The following MGAT4C variants were observed in gnomAD, a reference collection of about 807,000 sequenced individuals.
MGAT4C encodes the protein MGAT4 family member C, also known as alpha-1,3-mannosyl-glycoprotein 4-beta-N-acetylglucosaminyltransferase C.
In MGAT4C, 19 loss-of-function variants were observed where a neutral mutation model predicts 40.1. That is an observed-to-expected ratio of 0.47 (90% CI 0.33 to 0.70). The LOEUF is 0.70. Among genes scored for constraint, MGAT4C ranks in the 30% least tolerant of loss-of-function variants. MGAT4C has a pLI of 0.02. For synonymous variants in MGAT4C, 181 were observed against 187.1 expected (o/e 0.97, Z 0.27); for missense variants, 491 against 563.2 (o/e 0.87, Z 1.30).
chr12:86,307,897 G>A (rs1193021889), intron 4 of MGAT4C, among the ~76,000 whole-genome samples: 1 of 150,022 alleles, frequency 6.7e-6, no homozygotes, highest in African/African-American at 2.5e-5. Context: ...TAGAGACAGG[G>A]TTTCACCGTG....
intron 2 of MGAT4C, among the ~76,000 whole-genome samples, chr12:86,718,143 G>A (rs544269625): frequency 3.9e-5 from 6 of 152,212 alleles, no homozygotes; most frequent in South Asian, 2.1e-4. Context: ...CAAAATTGCC[G>A]GGCTTTAAAT....
rs539953908 is a variant in MGAT4C at position 86,488,725 on chromosome 12, A to G, written c.-228-53460T>C. Among the ~76,000 whole-genome samples the G allele has an allele frequency of 3.3e-3, 501 of 152,302 alleles. 2 individuals carry two copies. Among genetic ancestry groups the G allele is most frequent in the African/African-American group, 0.012 (484 of 41,566 alleles). Reference sequence around the variant, plus strand: ...ACAACATTGCACCCAAGAACTTTCAAGCATAACAGTCCTTCTTAACATTAA... The same window carrying G: ...ACAACATTGCACCCAAGAACTTTCAGGCATAACAGTCCTTCTTAACATTAA... On this transcript the variant is annotated intron_variant, in intron 2 of 7. Transcript: ENST00000548651.
At chr12:86,549,605 T>C (rs1249569023) in intron 2 of MGAT4C, among the ~76,000 whole-genome samples, 2 of 152,118 alleles carry the variant, frequency 1.3e-5, no homozygotes, top group Non-Finnish European at 2.9e-5. Context: ...CTACTTAGAG[T>C]GTTAAATGAG....
chr12:86,235,114 G>T lies in MGAT4C; in HGVS notation c.-57+21125C>A, dbSNP rs570912671. Among the ~76,000 whole-genome samples the T allele has an allele frequency of 2.6e-5, 4 of 151,880 alleles. No homozygotes were observed. In the South Asian group the frequency reaches 8.3e-4, roughly 32 times the overall value. Reference sequence around the variant, plus strand: ...TGGGTTAGTTCATACATCTTCATAGGTTTATTTATATTTGTATGGCTCCCA... The same window carrying T: ...TGGGTTAGTTCATACATCTTCATAGTTTTATTTATATTTGTATGGCTCCCA... On this transcript the variant is annotated intron_variant, in intron 1 of 4. Transcript: ENST00000611864.
intron 2 of MGAT4C, among the ~76,000 whole-genome samples, chr12:86,686,211 A>G (rs1199402015): frequency 6.6e-6 from 1 of 152,010 alleles, no homozygotes; most frequent in Non-Finnish European, 1.5e-5. Flanking sequence ...TTGATTTTGT[A>G]TTCTGAGACT....
chr12:86,121,239 G>T (rs1346119904), intron 1 of MGAT4C, among the ~76,000 whole-genome samples: 1 of 152,162 alleles, frequency 6.6e-6, no homozygotes, highest in Non-Finnish European at 1.5e-5. Context: ...AGAAATATGG[G>T]ACTATGTGAA....
chr12:85,983,772 A>AACCCTGCATACTATATATT, intron 3 of MGAT4C, 102 bp from the exon 4 acceptor site: 1 of 944,966 alleles, frequency 1.1e-6, no homozygotes, highest in Non-Finnish European at 1.5e-6. Flanking sequence ...TACAATATAT[A>AACCCTGCATACTATATATT]GTATGCAGGG....
At chr12:86,403,715 C>T (rs958153419) in intron 3 of MGAT4C, among the ~76,000 whole-genome samples, 2 of 152,108 alleles carry the variant, frequency 1.3e-5, no homozygotes, top group Non-Finnish European at 2.9e-5. Flanking sequence ...CAGAGGAAGA[C>T]TAAAATCTCT....
At chr12:86,540,098 T>G (rs193140894) in intron 2 of MGAT4C, among the ~76,000 whole-genome samples, 1 of 152,342 alleles carries the variant, frequency 6.6e-6, no homozygotes, top group East Asian at 1.9e-4. Context: ...TCCTTGCCCA[T>G]GCCTATGTCC....
At chr12:86,785,187 C>G (rs1408033480) in intron 1 of MGAT4C, among the ~76,000 whole-genome samples, 1 of 152,012 alleles carries the variant, frequency 6.6e-6, no homozygotes, top group East Asian at 1.9e-4. Context: ...GAAAACTAAG[C>G]TATCACAAAT....
In MGAT4C at chr12:86,423,765, G is replaced by T. The variant is rs556513758; in HGVS notation, c.-120+11392C>A. Among the ~76,000 whole-genome samples the T allele has an allele frequency of 7.5e-4, 114 of 152,224 alleles. 2 individuals carry two copies. The South Asian group carries it at 0.023, about 31-fold the overall frequency. The stretch of plus-strand genomic sequence containing the variant: ...CATTATTATCCATTCATAATGTCTT[G>T]CCTGTAATGAACTATTAGCGTGATT... On this transcript the variant is annotated intron_variant, in intron 3 of 7. Transcript: ENST00000548651.
At chr12:86,166,796 C>T (rs568594170) in intron 1 of MGAT4C, among the ~76,000 whole-genome samples, 40 of 152,024 alleles carry the variant, frequency 2.6e-4, no homozygotes, top group Non-Finnish European at 3.5e-4. Context: ...CATTATATAA[C>T]GTACATAAAA....
At chr12:86,103,322 G>T (rs1875472008) in intron 1 of MGAT4C, among the ~76,000 whole-genome samples, 1 of 152,122 alleles carries the variant, frequency 6.6e-6, no homozygotes, top group South Asian at 2.1e-4. Flanking sequence ...GAATTATCCA[G>T]TGGCCCCAAG....
chr12:86,367,065 T>C (rs1022041676), intron 3 of MGAT4C, among the ~76,000 whole-genome samples: 1 of 152,074 alleles, frequency 6.6e-6, no homozygotes, highest in African/African-American at 2.4e-5. Flanking sequence ...TTTTATAACC[T>C]TGGTTATAGA....
intron 1 of MGAT4C, among the ~76,000 whole-genome samples, chr12:86,831,382 G>T (rs1952925008): frequency 6.6e-6 from 1 of 151,624 alleles, no homozygotes; most frequent in African/African-American, 2.4e-5. Context: ...ACACTTCAGG[G>T]TCTATTTGTG....
At chr12:86,184,134 T>C (rs538082579) in intron 1 of MGAT4C, among the ~76,000 whole-genome samples, 1 of 152,344 alleles carries the variant, frequency 6.6e-6, no homozygotes, top group African/African-American at 2.4e-5. Flanking sequence ...CATTGATTTT[T>C]TTGACATTTA....
At chr12:86,505,767 T>C (rs1277136779) in intron 2 of MGAT4C, among the ~76,000 whole-genome samples, 1 of 152,206 alleles carries the variant, frequency 6.6e-6, no homozygotes, top group African/African-American at 2.4e-5. Context: ...TGTATTTCTC[T>C]AGCATACTAA....
At chr12:86,009,224 G>C (rs1444954525) in intron 2 of MGAT4C, among the ~76,000 whole-genome samples, 1 of 152,050 alleles carries the variant, frequency 6.6e-6, no homozygotes, top group Non-Finnish European at 1.5e-5. Context: ...TTCTCTTTTA[G>C]AATAATTACT....
chr12:86,046,102 G>A (rs1055621658), intron 2 of MGAT4C, among the ~76,000 whole-genome samples: 2 of 152,064 alleles, frequency 1.3e-5, no homozygotes, highest in African/African-American at 4.8e-5. Context: ...TTGAAGATGA[G>A]GAAAGAAAAC....
Sources: gnomAD v4.1 joint callset for allele counts (sites outside exome capture counted in the v4.1 genomes callset) on GRCh38, gnomAD v4.1.1 for gene constraint, MANE v1.5 for transcripts, NCBI Gene and HGNC (gene_info 2026-07-23, HGNC 2026-07-21) for gene names.